The following CHODL variants were observed in gnomAD, a reference collection of about 807,000 sequenced individuals.
CHODL encodes the protein chondrolectin, also known as transmembrane protein MT75.
In CHODL, 29 loss-of-function variants were observed where a neutral mutation model predicts 34.5. That is an observed-to-expected ratio of 0.84 (90% CI 0.63 to 1.15). The LOEUF is 1.15. Among genes scored for constraint, CHODL ranks in the 50% most tolerant of loss-of-function variants. CHODL has a pLI of 0.00. For missense variants in CHODL, 332 were observed against 332.5 expected, an observed-to-expected ratio of 1.00 and a Z score of 0.01; for synonymous variants, 125 against 116.1, an observed-to-expected ratio of 1.08 and a Z score of -0.49.
chr21:18,260,537 G>A (rs961885345), intron 4 of CHODL, among the ~76,000 whole-genome samples: 4 of 152,116 alleles, frequency 2.6e-5, no homozygotes, highest in Non-Finnish European at 5.9e-5. Context: ...ATCTGGCCAG[G>A]CACAGGGGCT....
At chr21:17,980,828 G>A (rs950506412) in intron 1 of CHODL, among the ~76,000 whole-genome samples, 3 of 152,148 alleles carry the variant, frequency 2.0e-5, no homozygotes, top group Non-Finnish European at 2.9e-5. Context: ...GTTGGGATGA[G>A]GATAGGAGAA....
intron 2 of CHODL, among the ~76,000 whole-genome samples, chr21:18,082,043 A>G (rs2064948799): frequency 6.6e-6 from 1 of 152,162 alleles, no homozygotes; most frequent in Non-Finnish European, 1.5e-5. Context: ...CTGTGTCCCC[A>G]CCCAAATCTC....
At chr21:17,961,793 A>G (rs2063534000) in intron 1 of CHODL, among the ~76,000 whole-genome samples, 1 of 152,230 alleles carries the variant, frequency 6.6e-6, no homozygotes, top group Non-Finnish European at 1.5e-5. Context: ...GTGGCTCTCA[A>G]ATATTAACAA....
Position 17,977,918 on chromosome 21 carries a change from C to CA in CHODL, c.-144-49938dup, listed in dbSNP as rs57837589. ...TGGCAACAGAGCAACACTCCCATCT[C>CA]AAAAAAAAAAAAAAAAGAAAAAGAT... is the stretch of plus-strand genomic sequence containing the variant. On this transcript the variant is annotated intron_variant, in intron 1 of 6. Coordinates refer to the CHODL transcript ENST00000400127. Among the ~76,000 whole-genome samples, 280 of 68,960 alleles carry CA rather than the reference C, an allele frequency of 4.1e-3. 7 individuals are homozygous for CA. The highest frequency in any genetic ancestry group is 0.027 in the Middle Eastern group (2 of 74). 45.2% of individuals were successfully genotyped at this position (68,960 alleles called of 152,430 possible). A position where few individuals can be genotyped will look rare whatever the true frequency, so the allele number is the denominator to read the frequency against.
At chr21:17,955,611 T>G (rs959540546) in intron 1 of CHODL, among the ~76,000 whole-genome samples, 3 of 137,134 alleles carry the variant, frequency 2.2e-5, no homozygotes, top group Admixed American at 7.2e-5. Flanking sequence ...CAGCTTATCT[T>G]AGAGTTGCCA....
At chr21:18,105,274 C>T (rs1184282784) in intron 2 of CHODL, among the ~76,000 whole-genome samples, 1 of 152,174 alleles carries the variant, frequency 6.6e-6, no homozygotes, top group Non-Finnish European at 1.5e-5. Context: ...ACTGGGACAG[C>T]AGTAGTCTGT....
intron 1 of CHODL, among the ~76,000 whole-genome samples, chr21:17,946,143 C>T (rs1421925460): frequency 1.3e-5 from 2 of 152,194 alleles, no homozygotes; most frequent in African/African-American, 2.4e-5. Context: ...CTAGGTTGGG[C>T]GCGGTGGCTC....
intron 1 of CHODL, among the ~76,000 whole-genome samples, chr21:18,005,631 T>C (rs1292525036): frequency 1.3e-5 from 2 of 152,234 alleles, no homozygotes; most frequent in Admixed American, 6.5e-5. Context: ...GTGTAAGTCA[T>C]GTCCACATAA....
At chr21:18,076,995 C>T (rs188767158) in intron 2 of CHODL, among the ~76,000 whole-genome samples, 146 of 152,238 alleles carry the variant, frequency 9.6e-4, no homozygotes, top group Non-Finnish European at 1.6e-3. Flanking sequence ...GGAACCTTGG[C>T]GGCCTATTTA....
At chr21:18,051,328 A>G (rs139176408) in intron 2 of CHODL, among the ~76,000 whole-genome samples, 114 of 150,880 alleles carry the variant, frequency 7.6e-4, no homozygotes, top group African/African-American at 2.7e-3. Context: ...CCAGTCTGTC[A>G]TTGATGGGCA....
intron 2 of CHODL, among the ~76,000 whole-genome samples, chr21:18,122,436 G>C (rs1304543065): frequency 6.6e-6 from 1 of 152,086 alleles, no homozygotes; most frequent in African/African-American, 2.4e-5. Flanking sequence ...GCATATTGTT[G>C]CGCCATTTTC....
intron 2 of CHODL, among the ~76,000 whole-genome samples, chr21:18,036,063 A>T (rs2064305384): frequency 6.6e-6 from 1 of 151,954 alleles, no homozygotes; most frequent in Non-Finnish European, 1.5e-5. Flanking sequence ...TTATTCTGGG[A>T]TGCAGTTAAG....
intron 2 of CHODL, among the ~76,000 whole-genome samples, chr21:18,176,322 TGTTA>T (rs1441626945): frequency 6.6e-6 from 1 of 152,228 alleles, no homozygotes; most frequent in Non-Finnish European, 1.5e-5. Flanking sequence ...TCATGTAGTC[TGTTA>T]GTTATATCTG....
intron 2 of CHODL, among the ~76,000 whole-genome samples, chr21:18,238,157 G>C (rs1446748263): frequency 2.6e-5 from 4 of 152,086 alleles, no homozygotes. Flanking sequence ...GAGAAAACCA[G>C]TATAGAGTCT....
At chr21:18,028,630 C>G (rs1317588377) in intron 2 of CHODL, among the ~76,000 whole-genome samples, 1 of 141,116 alleles carries the variant, frequency 7.1e-6, no homozygotes, top group Non-Finnish European at 1.5e-5. Context: ...ACCTGGGAGG[C>G]GGAGGTTGCA....
intron 2 of CHODL, among the ~76,000 whole-genome samples, chr21:18,062,592 C>T (rs1230392793): frequency 1.3e-5 from 2 of 151,980 alleles, no homozygotes; most frequent in Admixed American, 6.6e-5. Context: ...ATGGTGAAAC[C>T]CCATCTCTAC....
intron 1 of CHODL, among the ~76,000 whole-genome samples, chr21:17,959,008 C>G (rs116677723): frequency 0.022 from 3,317 of 151,986 alleles, 118 homozygotes; most frequent in African/African-American, 0.075. Flanking sequence ...TTTTTTGCCT[C>G]TAAAGACAAA....
At chr21:17,963,079 T>TA (rs1491060343) in intron 1 of CHODL, among the ~76,000 whole-genome samples, 1 of 116,684 alleles carries the variant, frequency 8.6e-6, no homozygotes, top group South Asian at 2.5e-4. Flanking sequence ...AAAAAAATAA[T>TA]AATAATAATA....
intron 2 of CHODL, among the ~76,000 whole-genome samples, chr21:18,234,806 T>C (rs2074014188): frequency 6.6e-6 from 1 of 152,072 alleles, no homozygotes; most frequent in Admixed American, 6.6e-5. Flanking sequence ...GTACCAGACA[T>C]GGTTCTGGTT....
Sources: allele counts gnomAD v4.1 joint callset (sites outside exome capture counted in the v4.1 genomes callset), GRCh38; gene constraint gnomAD v4.1.1; transcripts MANE v1.5; gene names NCBI Gene and HGNC (gene_info 2026-07-23, HGNC 2026-07-21).